Variants in CTNNA2 observed in about 807,000 individuals in gnomAD.
CTNNA2 encodes the protein catenin alpha-2.
In CTNNA2, 42 loss-of-function variants were observed where a neutral mutation model predicts 101.0. The observed-to-expected ratio is 0.42, with a 90% CI of 0.32 to 0.54. The LOEUF is 0.54. Ranked by LOEUF, CTNNA2 falls within the 20% of genes least tolerant of loss-of-function variation. The probability of loss-of-function intolerance (pLI) is 0.14; values close to 1 mark genes in which losing one functional copy is unlikely to be tolerated. For missense variants in CTNNA2, 871 were observed against 1,223.1 expected (o/e 0.71, Z 4.29); for synonymous variants, 450 against 456.4 (o/e 0.99, Z 0.18).
chr2:79,441,776 G>T (rs1216881937), intron 4 of CTNNA2, among the ~76,000 whole-genome samples: 1 of 152,044 alleles, frequency 6.6e-6, no homozygotes, highest in Admixed American at 6.6e-5. Context: ...AAAACTCAAA[G>T]TCTTACCATG....
At chr2:79,410,419 T>C (rs1340892162) in intron 4 of CTNNA2, among the ~76,000 whole-genome samples, 1 of 151,424 alleles carries the variant, frequency 6.6e-6, no homozygotes, top group Non-Finnish European at 1.5e-5. Context: ...GCCCATTCAG[T>C]ATGATATTGG....
chr2:80,179,437 G>A (rs1277415142), intron 7 of CTNNA2, among the ~76,000 whole-genome samples: 4 of 152,072 alleles, frequency 2.6e-5, no homozygotes, highest in African/African-American at 4.8e-5. Context: ...GCAGTGGCAT[G>A]ATCTCAGCTC....
intron 1 of CTNNA2, among the ~76,000 whole-genome samples, chr2:79,613,885 G>T (rs2104224950): frequency 6.6e-6 from 1 of 152,198 alleles, no homozygotes; most frequent in South Asian, 2.1e-4. Flanking sequence ...CAATCTCATG[G>T]TGCCAATACT....
chr2:79,721,549 G>A (rs988519841), intron 2 of CTNNA2, among the ~76,000 whole-genome samples: 5 of 152,154 alleles, frequency 3.3e-5, no homozygotes, highest in African/African-American at 1.2e-4. Flanking sequence ...CAGCCTGTAC[G>A]CTTCATATCA....
intron 9 of CTNNA2, among the ~76,000 whole-genome samples, chr2:80,421,501 C>G (rs926709259): frequency 2.6e-5 from 4 of 152,180 alleles, no homozygotes; most frequent in Admixed American, 2.0e-4. Context: ...CTGTGACAGG[C>G]GCTGGACACA....
chr2:80,463,520 A>C (rs1572952695), intron 9 of CTNNA2, among the ~76,000 whole-genome samples: 1 of 152,142 alleles, frequency 6.6e-6, no homozygotes, highest in African/African-American at 2.4e-5. Flanking sequence ...TGGAGTTATT[A>C]GGATGGATTT....
At chr2:80,111,481 T>G (rs1332150991) in intron 7 of CTNNA2, among the ~76,000 whole-genome samples, 1 of 152,194 alleles carries the variant, frequency 6.6e-6, no homozygotes, top group East Asian at 1.9e-4. Flanking sequence ...TACTTATATA[T>G]AGAATGTGGA....
At chr2:80,528,994 CT>C (rs2149590387) in intron 9 of CTNNA2, among the ~76,000 whole-genome samples, 1 of 152,244 alleles carries the variant, frequency 6.6e-6, no homozygotes, top group African/African-American at 2.4e-5. Flanking sequence ...AGATCCTTCT[CT>C]TTGAAGAACA....
At chr2:80,278,981 A>G (rs1674141028) in intron 7 of CTNNA2, among the ~76,000 whole-genome samples, 1 of 150,874 alleles carries the variant, frequency 6.6e-6, no homozygotes, top group Admixed American at 6.6e-5. Flanking sequence ...AAAAATTGCC[A>G]GTGGAGAATG....
At chr2:80,039,112 T>G (rs1558750883) in intron 7 of CTNNA2, among the ~76,000 whole-genome samples, 1 of 152,114 alleles carries the variant, frequency 6.6e-6, no homozygotes, top group Non-Finnish European at 1.5e-5. Flanking sequence ...AGGGCATGTT[T>G]TATATGTGTG....
chr2:80,208,889 C>G (rs1451488424), intron 7 of CTNNA2, among the ~76,000 whole-genome samples: 1 of 152,178 alleles, frequency 6.6e-6, no homozygotes, highest in African/African-American at 2.4e-5. Context: ...GGAGCATTTA[C>G]ACTGGCCACC....
chr2:80,380,094 T>C lies in CTNNA2; in HGVS notation c.1057-13117T>C, dbSNP rs370677436. 6.2e-3 allele frequency among the ~76,000 whole-genome samples: 869 copies of C among 140,336 alleles called. 1 individual carries two copies. The highest frequency in any genetic ancestry group is 8.8e-3 in the Non-Finnish European group (585 of 66,762). The allele number at this position is 140,336 out of a possible 152,430, so 92.1% of individuals were successfully genotyped here. The stretch of plus-strand genomic sequence containing the variant: ...CTCTGTCGCCCAGGCTGGAGTGCAG[T>C]GGCACGATCTCGGCTCACTGCAAGC... On this transcript the variant is annotated intron_variant, in intron 7 of 18. Coordinates refer to ENST00000402739, the MANE Select transcript of CTNNA2 (RefSeq NM_001282597.3).
In CTNNA2 at chr2:80,260,346, A is replaced by C. The variant is rs145680524; in HGVS notation, c.1057-132865A>C. Among the ~76,000 whole-genome samples, 48 of 152,320 alleles carry C rather than the reference A, an allele frequency of 3.2e-4. No individual in the cohort carries two copies. In the East Asian group the frequency reaches 7.5e-3, roughly 24 times the overall value. ...AGTGTATATTTTGTAGAAGTTGCTC[A>C]TGGAGCCATGGCACTATTTCTGAAG... On this transcript the variant is annotated intron_variant, in intron 7 of 18. Coordinates refer to ENST00000402739, the MANE Select transcript of CTNNA2 (RefSeq NM_001282597.3).
chr2:80,031,329 G>T (rs1695272695), intron 7 of CTNNA2, among the ~76,000 whole-genome samples: 1 of 152,122 alleles, frequency 6.6e-6, no homozygotes, highest in African/African-American at 2.4e-5. Context: ...CTGAAACTTG[G>T]TCATTTATAC....
intron 3 of CTNNA2, among the ~76,000 whole-genome samples, chr2:79,344,964 C>A (rs1271234409): frequency 6.7e-6 from 1 of 149,654 alleles, no homozygotes; most frequent in Non-Finnish European, 1.5e-5. Flanking sequence ...GGGAGGTATA[C>A]ACTAAGTGTT....
chr2:79,214,581 G>C (rs1161796447), intron 2 of CTNNA2, among the ~76,000 whole-genome samples: 1 of 152,218 alleles, frequency 6.6e-6, no homozygotes, highest in Non-Finnish European at 1.5e-5. Context: ...GCGGGGTAAG[G>C]GTGATTAGGT....
At chr2:79,491,849 T>C (rs1038666285) in intron 4 of CTNNA2, among the ~76,000 whole-genome samples, 1 of 152,152 alleles carries the variant, frequency 6.6e-6, no homozygotes, top group Non-Finnish European at 1.5e-5. Flanking sequence ...ATTTAGGTTT[T>C]AAAAATCTGA....
At chr2:80,295,495 T>G (rs1675665755) in intron 7 of CTNNA2, among the ~76,000 whole-genome samples, 1 of 152,242 alleles carries the variant, frequency 6.6e-6, no homozygotes, top group African/African-American at 2.4e-5. Context: ...GCAAGCCTGA[T>G]GAATCAGAAT....
intron 7 of CTNNA2, among the ~76,000 whole-genome samples, chr2:79,988,752 A>G (rs1033942622): frequency 6.6e-6 from 1 of 152,114 alleles, no homozygotes; most frequent in Non-Finnish European, 1.5e-5. Flanking sequence ...TATCTCTGCA[A>G]CTCTAAGGAA....
Sources: gnomAD v4.1 joint callset for allele counts (sites outside exome capture counted in the v4.1 genomes callset) on GRCh38, gnomAD v4.1.1 for gene constraint, MANE v1.5 for transcripts, NCBI Gene and HGNC (gene_info 2026-07-23, HGNC 2026-07-21) for gene names.